The following SLC25A10 variants were observed in gnomAD, a reference collection of about 807,000 sequenced individuals.
SLC25A10 encodes the protein mitochondrial dicarboxylate carrier.
A neutral mutation model predicts 40.4 loss-of-function variants in SLC25A10; 32 were observed. The observed-to-expected ratio is 0.79, with a 90% CI of 0.60 to 1.06. The LOEUF is 1.06. Ranked by LOEUF, SLC25A10 falls within the 50% of genes least tolerant of loss-of-function variation. The pLI, the probability that SLC25A10 is intolerant of heterozygous loss-of-function variation, is 0.00. For missense variants in SLC25A10, 394 were observed against 402.6 expected, an observed-to-expected ratio of 0.98 and a Z score of 0.18; for synonymous variants, 181 against 171.1, an observed-to-expected ratio of 1.06 and a Z score of -0.45.
Position 81,720,324 on chromosome 17 carries a change from CCT to C in SLC25A10, c.*251_*252del. 7.0e-7 allele frequency: 1 copy of C among 1,428,010 alleles called. No homozygotes were observed. The highest frequency in any genetic ancestry group is 9.1e-7 in the Non-Finnish European group (1 of 1,096,482). 88.5% of individuals were successfully genotyped at this position (1,428,010 alleles called of 1,614,324 possible). ...CGGCTGGGCACTGCGTGGCCTTGCC[CCT>C]CTCCCGCTGGCAGCTCCTCAGGGGA... On this transcript the variant is annotated 3_prime_UTR_variant, in exon 11 of 11. Transcript: ENST00000350690.
At chr17:81,719,264 C>T (rs879436846) in intron 9 of SLC25A10, among the ~76,000 whole-genome samples, 6 of 151,830 alleles carry the variant, frequency 4.0e-5, no homozygotes, top group South Asian at 2.1e-4. Flanking sequence ...GACAAGGTTT[C>T]GCCATGTTCG....
In SLC25A10 at chr17:81,720,859, G is replaced by A. The variant is rs759836804; in HGVS notation, c.*782G>A. The A allele has an allele frequency of 2.9e-5, 6 of 205,180 alleles. No homozygotes were observed. Among genetic ancestry groups the A allele is most frequent in the East Asian group, 1.1e-4 (1 of 9,474 alleles). The allele number at this position is 205,180 out of a possible 1,614,324, so 12.7% of individuals were successfully genotyped here. ...GGCTCCCTGGGGGAATGGCCCAGGC[G>A]GGCCGCGGTTCCTCCTTAGGGCCTT... On this transcript the variant is annotated 3_prime_UTR_variant, in exon 11 of 11. Transcript: ENST00000350690.
At chr17:81,714,427 C>G (rs909549396) in intron 1 of SLC25A10, among the ~76,000 whole-genome samples, 1 of 152,238 alleles carries the variant, frequency 6.6e-6, no homozygotes, top group African/African-American at 2.4e-5. Context: ...TGCCCTGCCG[C>G]CAGCCACACC....
At position 81,720,058 on chromosome 17, in the gene SLC25A10, G is replaced by A. The variant is rs146120502; in HGVS notation, c.845G>A (p.Gly282Asp). 7 of 1,613,134 alleles carry A rather than the reference G, an allele frequency of 4.3e-6. No homozygotes were observed. Among genetic ancestry groups the A allele is most frequent in the Non-Finnish European group, 5.9e-6 (7 of 1,180,022 alleles). Residue 282 changes from glycine to aspartate, a missense_variant, in exon 11 of 11, where the codon GGC becomes GAC. Coordinates refer to ENST00000350690, the MANE Select transcript of SLC25A10 (RefSeq NM_012140.5). The stretch of plus-strand genomic sequence containing the variant: ...CTGGAACAGCTACGCAAAAACTTTG[G>A]CATCAAAGTGCCATCCTGACCAGCC... ...VFLEQLRKNF[G>D]IKVPS
intron 2 of SLC25A10, 57 bp from the exon 3 acceptor site, chr17:81,715,421 C>T (rs532548745): frequency 2.3e-5 from 34 of 1,466,970 alleles, no homozygotes; most frequent in East Asian, 9.1e-5. Context: ...GGCCGGGTGG[C>T]GAGGCTGAGG....
intron 7 of SLC25A10, 23 bp downstream of exon 7, chr17:81,717,095 G>C: frequency 6.2e-7 from 1 of 1,610,308 alleles, no homozygotes; most frequent in African/African-American, 1.3e-5. Context: ...CGTGGGGTGG[G>C]TGTGGGCAGT....
chr17:81,712,978 C>T (rs1020165752), intron 1 of SLC25A10, among the ~76,000 whole-genome samples: 1 of 152,222 alleles, frequency 6.6e-6, no homozygotes, highest in Admixed American at 6.5e-5. Context: ...AGCCGCCCCC[C>T]ACCCAGGGGT....
In SLC25A10 at chr17:81,712,293, G is replaced by A. The variant is rs940212650; in HGVS notation, c.-134G>A. The stretch of plus-strand genomic sequence containing the variant: ...CCCGGGGCGCGCGCGCGCATTGGCT[G>A]TGCGGGGTGCGGGCGCGCGGGCGGC... On this transcript the variant is annotated 5_prime_UTR_variant, in exon 1 of 11. The change creates a new upstream start codon in the 5' untranslated region. Transcript: ENST00000350690. The A allele has an allele frequency of 3.3e-5, 12 of 360,202 alleles. No homozygotes were observed. Among genetic ancestry groups the A allele is most frequent in the Non-Finnish European group, 4.9e-5 (12 of 243,882 alleles). The allele number at this position is 360,202 out of a possible 1,614,324, so 22.3% of individuals were successfully genotyped here.
Position 81,720,592 on chromosome 17 carries a change from C to T in SLC25A10, c.*515C>T, listed in dbSNP as rs112260244. The T allele has an allele frequency of 1.0e-3, 1,161 of 1,153,766 alleles. 2 individuals carry two copies. Among genetic ancestry groups the T allele is most frequent in the Admixed American group, 4.0e-3 (107 of 26,842 alleles). The allele number at this position is 1,153,766 out of a possible 1,614,324, so 71.5% of individuals were successfully genotyped here. ...GCAGCTGCAACTCCCCGCGAGACCCCGCAGCTGGGTGGGATGAACAAGCAA... is the reference window on the plus strand; with the variant it reads ...GCAGCTGCAACTCCCCGCGAGACCCTGCAGCTGGGTGGGATGAACAAGCAA... On this transcript the variant is annotated 3_prime_UTR_variant, in exon 11 of 11. Transcript: ENST00000350690.
intron 1 of SLC25A10, among the ~76,000 whole-genome samples, chr17:81,714,175 G>C (rs553659065): frequency 6.6e-6 from 1 of 152,340 alleles, no homozygotes; most frequent in East Asian, 1.9e-4. Context: ...CACACTGAGC[G>C]GCGGAAGGAC....
chr17:81,715,854 A>T, intron 4 of SLC25A10, 113 bp downstream of exon 4: 1 of 1,476,842 alleles, frequency 6.8e-7, no homozygotes, highest in Non-Finnish European at 9.4e-7. Flanking sequence ...AGCCACTGAG[A>T]CCCTGGTGTC....
rs374018873 is a variant in SLC25A10 at position 81,714,641 on chromosome 17, G to A, written c.94-312G>A. Among the ~76,000 whole-genome samples the A allele has an allele frequency of 5.9e-5, 9 of 152,320 alleles. No individual in the cohort carries two copies. In the East Asian group the frequency reaches 7.7e-4, roughly 13 times the overall value. On this transcript the variant is annotated intron_variant, in intron 1 of 10. Coordinates refer to ENST00000350690, the MANE Select transcript of SLC25A10 (RefSeq NM_012140.5). ...AAATCCTGATGGCACCAGCGGGTGC[G>A]TTACCTCTCCATGCCTCAGTTTCCT...
At chr17:81,717,136 G>A in intron 7 of SLC25A10, 64 bp downstream of exon 7, 2 of 1,555,110 alleles carry the variant, frequency 1.3e-6, no homozygotes, top group Non-Finnish European at 1.8e-6. Flanking sequence ...ATCTTCAGAG[G>A]GGCCATAGAA....
chr17:81,718,486 AAAAAC>A (rs1217971235), intron 9 of SLC25A10, among the ~76,000 whole-genome samples: 1 of 152,056 alleles, frequency 6.6e-6, no homozygotes, highest in Non-Finnish European at 1.5e-5. Context: ...ACTGTCTCAA[AAAAAC>A]AAAACAAAAC....
intron 8 of SLC25A10, 60 bp from the exon 9 acceptor site, chr17:81,717,716 CGTGGGTGG>C (rs778339310): frequency 2.6e-6 from 4 of 1,547,318 alleles, no homozygotes; most frequent in Non-Finnish European, 3.5e-6. Context: ...GGTTCTGGCA[CGTGGGTGG>C]GATTCGGCGA....
chr17:81,712,686 C>T (rs1598759349), intron 1 of SLC25A10, among the ~76,000 whole-genome samples, 167 bp downstream of exon 1: 1 of 152,322 alleles, frequency 6.6e-6, no homozygotes, highest in African/African-American at 2.4e-5. Flanking sequence ...CCGGGTGGCC[C>T]TCCAGTGGTG....
chr17:81,718,739 G>A (rs1360004438), intron 9 of SLC25A10, among the ~76,000 whole-genome samples: 1 of 151,338 alleles, frequency 6.6e-6, no homozygotes, highest in African/African-American at 2.4e-5. Context: ...CACAAGTCAG[G>A]AGTTGGAGAC....
At chr17:81,715,293 A>C (rs1303205457) in intron 2 of SLC25A10, among the ~76,000 whole-genome samples, 185 bp from the exon 3 acceptor site, 4 of 152,210 alleles carry the variant, frequency 2.6e-5, no homozygotes, top group Admixed American at 2.6e-4. Flanking sequence ...CCAGGGAGTG[A>C]GAAAGCAGGG....
Position 81,715,049 on chromosome 17 carries a change from C to T in SLC25A10, c.190C>T (p.Leu64=), listed in dbSNP as rs571642224. The T allele has an allele frequency of 6.2e-7, 1 of 1,610,052 alleles. No homozygotes were observed. Among genetic ancestry groups the T allele is most frequent in the African/African-American group, 1.3e-5 (1 of 75,022 alleles). The part of the protein sequence containing the change: ...TDGILALYSG[L]SASLCRQMTY... ...CGGCATCCTGGCACTCTACAGCGGC[C>T]TGAGCGCCTCGCTGTGCAGACAGGT... The change falls in exon 2 of 11, where the codon CTG becomes TTG. Residue 64 remains leucine, a synonymous_variant. Coordinates refer to ENST00000350690, the MANE Select transcript of SLC25A10 (RefSeq NM_012140.5).
Sources: gnomAD v4.1 joint callset for allele counts (sites outside exome capture counted in the v4.1 genomes callset) on GRCh38, gnomAD v4.1.1 for gene constraint, MANE v1.5 for transcripts, NCBI Gene and HGNC (gene_info 2026-07-23, HGNC 2026-07-21) for gene names.